Variants in TOX3 observed in about 807,000 individuals in gnomAD.
The protein encoded by TOX3 is TOX high mobility group box family member 3.
In TOX3, 22 loss-of-function variants were observed where a neutral mutation model predicts 64.3. The ratio of observed to expected loss-of-function variants is 0.34; its 90% confidence interval spans 0.24 to 0.49. The LOEUF is 0.49. Ranked by LOEUF, TOX3 falls within the 20% of genes least tolerant of loss-of-function variation. TOX3 has a pLI of 0.99. For synonymous variants in TOX3, 291 were observed against 273.6 expected, an observed-to-expected ratio of 1.06 and a Z score of -0.63; for missense variants, 661 against 714.4, an observed-to-expected ratio of 0.93 and a Z score of 0.85.
intron 1 of TOX3, among the ~76,000 whole-genome samples, chr16:52,535,857 T>TA (rs536914330): frequency 2.0e-4 from 30 of 152,134 alleles, no homozygotes; most frequent in African/African-American, 4.3e-4. Flanking sequence ...CAAATACTGA[T>TA]AAAAAAAATT....
At chr16:52,452,787 G>A (rs997766233) in intron 3 of TOX3, among the ~76,000 whole-genome samples, 3 of 152,152 alleles carry the variant, frequency 2.0e-5, no homozygotes, top group Non-Finnish European at 4.4e-5. Flanking sequence ...GCCAACAAGT[G>A]TTAGAATATT....
At chr16:52,542,022 C>T (rs918198871) in intron 1 of TOX3, among the ~76,000 whole-genome samples, 7 of 152,164 alleles carry the variant, frequency 4.6e-5, no homozygotes, top group South Asian at 2.1e-4. Flanking sequence ...ACTAAGTCAA[C>T]GGATCCATAT....
chr16:52,474,810 T>C (rs185654014), intron 1 of TOX3, among the ~76,000 whole-genome samples: 1 of 151,944 alleles, frequency 6.6e-6, no homozygotes, highest in Admixed American at 6.6e-5. Context: ...CTCAAAACTC[T>C]CCAATGGCTT....
intron 1 of TOX3, among the ~76,000 whole-genome samples, chr16:52,483,694 G>A (rs187679614): frequency 7.9e-4 from 116 of 146,536 alleles, no homozygotes; most frequent in African/African-American, 2.7e-3. Context: ...TCAGCCTCCC[G>A]AGTAGCTTGG....
At chr16:52,521,521 A>C (rs1962608493) in intron 1 of TOX3, among the ~76,000 whole-genome samples, 1 of 151,980 alleles carries the variant, frequency 6.6e-6, no homozygotes, top group Non-Finnish European at 1.5e-5. Context: ...AGCCCATTTT[A>C]CTTTATGCCC....
At chr16:52,509,517 G>A (rs1962245994) in intron 1 of TOX3, among the ~76,000 whole-genome samples, 1 of 152,168 alleles carries the variant, frequency 6.6e-6, no homozygotes, top group Non-Finnish European at 1.5e-5. Context: ...TTAACATTCA[G>A]ACCTCTTGCT....
intron 1 of TOX3, among the ~76,000 whole-genome samples, chr16:52,542,591 G>T (rs1336692588): frequency 6.6e-6 from 1 of 152,160 alleles, no homozygotes; most frequent in East Asian, 1.9e-4. Flanking sequence ...TTTAAATGGG[G>T]TATGTTCTCT....
chr16:52,490,521 T>C (rs184871014), intron 1 of TOX3, among the ~76,000 whole-genome samples: 1 of 152,070 alleles, frequency 6.6e-6, no homozygotes, highest in South Asian at 2.1e-4. Flanking sequence ...ACTCTCAAGA[T>C]GAACACTTCA....
At chr16:52,474,257 CA>C (rs1961139782) in intron 1 of TOX3, among the ~76,000 whole-genome samples, 1 of 152,170 alleles carries the variant, frequency 6.6e-6, no homozygotes. Context: ...CAACTGTACC[CA>C]AAATGGACCA....
intron 3 of TOX3, among the ~76,000 whole-genome samples, chr16:52,450,828 G>GGAAA (rs1960321635): frequency 3.2e-5 from 2 of 61,864 alleles, no homozygotes; most frequent in South Asian, 8.5e-4. Flanking sequence ...AAGGAAGGAA[G>GGAAA]GAAGGAAGGA....
intron 6 of TOX3, among the ~76,000 whole-genome samples, chr16:52,443,654 T>C (rs1474093775): frequency 6.6e-6 from 1 of 152,208 alleles, no homozygotes; most frequent in Non-Finnish European, 1.5e-5. Context: ...GCTAATTAAA[T>C]GTTAATATCA....
chr16:52,511,348 TG>T (rs570070133), intron 1 of TOX3, among the ~76,000 whole-genome samples: 1,776 of 152,114 alleles, frequency 0.012, 18 homozygotes, highest in Non-Finnish European at 0.014. Context: ...AAAAATTAGC[TG>T]GCTGTGGTGG....
chr16:52,527,011 C>T (rs1004721102), intron 1 of TOX3, among the ~76,000 whole-genome samples: 1 of 152,140 alleles, frequency 6.6e-6, no homozygotes, highest in Non-Finnish European at 1.5e-5. Context: ...CGAAACACAG[C>T]GGTCACTACT....
At chr16:52,478,070 G>C (rs1171030860) in intron 1 of TOX3, among the ~76,000 whole-genome samples, 1 of 152,200 alleles carries the variant, frequency 6.6e-6, no homozygotes, top group Non-Finnish European at 1.5e-5. Context: ...GAAACCAAAA[G>C]AGACCAAGCA....
At chr16:52,511,008 T>C (rs953665808) in intron 1 of TOX3, among the ~76,000 whole-genome samples, 12 of 152,082 alleles carry the variant, frequency 7.9e-5, no homozygotes, top group Middle Eastern at 3.2e-3. Context: ...CCACTGGAAC[T>C]TGTGGTTCCC....
At chr16:52,468,339 A>T (rs1960927804) in intron 2 of TOX3, among the ~76,000 whole-genome samples, 170 bp downstream of exon 2, 1 of 152,184 alleles carries the variant, frequency 6.6e-6, no homozygotes, top group African/African-American at 2.4e-5. Context: ...GTGATAAAAG[A>T]CTTATCAGGT....
intron 1 of TOX3, chr16:52,519,452 C>T (rs1440532839): frequency 1.3e-6 from 2 of 1,551,462 alleles, no homozygotes; most frequent in Non-Finnish European, 1.7e-6. Flanking sequence ...CTCAATGCGC[C>T]TGGCTCCCGA....
intron 1 of TOX3, among the ~76,000 whole-genome samples, chr16:52,514,841 C>T (rs1962404420): frequency 6.6e-6 from 1 of 151,802 alleles, no homozygotes; most frequent in South Asian, 2.1e-4. Flanking sequence ...GAAACCTCGT[C>T]TCTACCACCA....
chr16:52,451,986 A>T (rs1271550870), intron 3 of TOX3, among the ~76,000 whole-genome samples: 1 of 152,026 alleles, frequency 6.6e-6, no homozygotes, highest in Non-Finnish European at 1.5e-5. Context: ...TTCCCACTAG[A>T]TGCTAACAAC....
Sources: allele counts gnomAD v4.1 joint callset (sites outside exome capture counted in the v4.1 genomes callset), GRCh38; gene constraint gnomAD v4.1.1; transcripts MANE v1.5; gene names NCBI Gene and HGNC (gene_info 2026-07-23, HGNC 2026-07-21).